PBX1: variants seen among roughly 807,000 people sequenced by gnomAD.
The protein encoded by PBX1 is pre-B-cell leukemia transcription factor 1.
PBX1 carries 6 observed loss-of-function variants against 53.4 expected under a neutral mutation model. The observed-to-expected ratio is 0.11, with a 90% CI of 0.06 to 0.22. The LOEUF (loss-of-function observed/expected upper bound fraction) is 0.22. Ranked by LOEUF, PBX1 falls within the 10% of genes least tolerant of loss-of-function variation. The pLI is 1.00. For missense variants in PBX1, 251 were observed against 551.4 expected, an observed-to-expected ratio of 0.46 and a Z score of 5.46; for synonymous variants, 204 against 212.3, an observed-to-expected ratio of 0.96 and a Z score of 0.34.
In PBX1 at chr1:164,870,173, A is replaced by G. The variant is rs146824172; in HGVS notation, n.258-29015A>G. The stretch of plus-strand genomic sequence containing the variant: ...TAACTTTAATTATTCTCATTCTAAA[A>G]TCACTTTTTCTCTATTGACTTTCTT... On this transcript the variant is annotated intron_variant and non_coding_transcript_variant, in intron 2 of 2. Transcript: ENST00000558796. 7.1e-3 allele frequency among the ~76,000 whole-genome samples: 1,067 copies of G among 150,530 alleles called. 12 individuals carry two copies. Among genetic ancestry groups the G allele is most frequent in the Non-Finnish European group, 0.011 (741 of 67,500 alleles).
intron 6 of PBX1, chr1:164,816,123 T>G (rs2102354567): frequency 6.6e-6 from 1 of 152,322 alleles, no homozygotes; most frequent in East Asian, 1.9e-4. Flanking sequence ...TCCTCTTTAT[T>G]TTTGATTGAA....
At chr1:164,786,907 C>T (rs952510109) in intron 2 of PBX1, among the ~76,000 whole-genome samples, 1 of 152,028 alleles carries the variant, frequency 6.6e-6, no homozygotes, top group Non-Finnish European at 1.5e-5. Flanking sequence ...TTATAATCTT[C>T]GGTTATCTGC....
intron 2 of PBX1, among the ~76,000 whole-genome samples, chr1:164,660,757 A>G (rs537223221): frequency 1.3e-5 from 2 of 152,310 alleles, no homozygotes; most frequent in South Asian, 4.1e-4. Context: ...AACCAAACAT[A>G]GGATGATTTT....
At chr1:164,689,080 T>C (rs1256014932) in intron 2 of PBX1, among the ~76,000 whole-genome samples, 2 of 152,246 alleles carry the variant, frequency 1.3e-5, no homozygotes, top group Admixed American at 6.5e-5. Context: ...TAATTGGGAC[T>C]CGCCAAAGTG....
At chr1:164,689,776 T>C (rs1662353314) in intron 2 of PBX1, among the ~76,000 whole-genome samples, 1 of 152,136 alleles carries the variant, frequency 6.6e-6, no homozygotes, top group African/African-American at 2.4e-5. Context: ...TGGCTCTCTT[T>C]GGTGTTTTCA....
At chr1:164,657,358 G>A (rs1211924021) in intron 2 of PBX1, 1 of 152,094 alleles carries the variant, frequency 6.6e-6, no homozygotes, top group Non-Finnish European at 1.5e-5. Context: ...CTCAACAGGA[G>A]GCAATAATAA....
At chr1:164,644,405 A>G (rs1410021441) in intron 2 of PBX1, among the ~76,000 whole-genome samples, 1 of 152,190 alleles carries the variant, frequency 6.6e-6, no homozygotes, top group Non-Finnish European at 1.5e-5. Flanking sequence ...AGTCTATATT[A>G]GGAGGTGTGT....
intron 2 of PBX1, among the ~76,000 whole-genome samples, chr1:164,689,334 CT>C (rs905489829): frequency 8.9e-5 from 13 of 146,192 alleles, no homozygotes; most frequent in South Asian, 4.4e-4. Context: ...TTTTTCTTTT[CT>C]TTTTTTTTTC....
chr1:164,766,879 C>A (rs987065574), intron 2 of PBX1, among the ~76,000 whole-genome samples: 1 of 151,808 alleles, frequency 6.6e-6, no homozygotes, highest in Non-Finnish European at 1.5e-5. Context: ...AGGCACGCAC[C>A]ACCATATCCA....
intron 2 of PBX1, among the ~76,000 whole-genome samples, chr1:164,606,658 A>G (rs1175980289): frequency 6.6e-6 from 1 of 152,234 alleles, no homozygotes; most frequent in African/African-American, 2.4e-5. Flanking sequence ...CTGCTGGAAC[A>G]TAAGCTCCAT....
At chr1:164,607,812 T>C (rs185513037) in intron 2 of PBX1, among the ~76,000 whole-genome samples, 2 of 151,892 alleles carry the variant, frequency 1.3e-5, no homozygotes, top group East Asian at 3.9e-4. Flanking sequence ...CTGGAGGGAG[T>C]AGCATCTTAA....
At chr1:164,655,820 A>G (rs994720723) in intron 2 of PBX1, among the ~76,000 whole-genome samples, 1 of 152,186 alleles carries the variant, frequency 6.6e-6, no homozygotes, top group African/African-American at 2.4e-5. Flanking sequence ...TGGCATCAAT[A>G]TGCAGTGAAA....
intron 2 of PBX1, among the ~76,000 whole-genome samples, chr1:164,592,512 A>AT: frequency 6.6e-6 from 1 of 152,180 alleles, no homozygotes; most frequent in East Asian, 1.9e-4. Context: ...TGTGATTACC[A>AT]TTTCTCCTTG....
chr1:164,608,821 A>G (rs994830327), intron 2 of PBX1, among the ~76,000 whole-genome samples: 2 of 152,160 alleles, frequency 1.3e-5, no homozygotes, highest in Non-Finnish European at 1.5e-5. Context: ...AGCATTTTGG[A>G]TGGTACAAGG....
intron 4 of PBX1, among the ~76,000 whole-genome samples, chr1:164,800,205 G>T (rs978649414): frequency 2.0e-5 from 3 of 152,130 alleles, no homozygotes; most frequent in African/African-American, 4.8e-5. Flanking sequence ...ATAACTATGG[G>T]CCTGCAGCTG....
At chr1:164,879,211 A>G (rs1363328071) in intron 2 of PBX1, among the ~76,000 whole-genome samples, 1 of 136,906 alleles carries the variant, frequency 7.3e-6, no homozygotes, top group African/African-American at 2.4e-5. Context: ...ATTTTAATTC[A>G]GTTCAGGTGA....
chr1:164,737,398 A>G (rs1000222213), intron 2 of PBX1, among the ~76,000 whole-genome samples: 7 of 152,320 alleles, frequency 4.6e-5, no homozygotes, highest in South Asian at 2.1e-4. Flanking sequence ...TATAATTCAC[A>G]TAAATAATTC....
At chr1:164,723,050 T>A (rs1254495193) in intron 2 of PBX1, among the ~76,000 whole-genome samples, 1 of 152,152 alleles carries the variant, frequency 6.6e-6, no homozygotes, top group East Asian at 1.9e-4. Context: ...GCTTTAGAGA[T>A]TAGGAGCTCA....
chr1:164,581,591 G>A (rs922661693), intron 2 of PBX1, among the ~76,000 whole-genome samples: 1 of 152,124 alleles, frequency 6.6e-6, no homozygotes, highest in Non-Finnish European at 1.5e-5. Flanking sequence ...AATTGCAGTG[G>A]TGGCCCAGAG....
Sources: allele counts gnomAD v4.1 joint callset (sites outside exome capture counted in the v4.1 genomes callset), GRCh38; gene constraint gnomAD v4.1.1; transcripts MANE v1.5; gene names NCBI Gene and HGNC (gene_info 2026-07-23, HGNC 2026-07-21).